Variants in ZNF282 observed in about 807,000 individuals in gnomAD.
ZNF282 encodes the protein zinc finger protein 282, also known as HTLV-I U5 repressive element-binding protein 1.
Under a neutral mutation model 61.9 loss-of-function variants are expected in ZNF282, and 30 were observed. The observed-to-expected ratio is 0.48, with a 90% CI of 0.36 to 0.66. The LOEUF is 0.66. Among genes scored for constraint, ZNF282 ranks in the 30% least tolerant of loss-of-function variants. The pLI is 0.00. For synonymous variants in ZNF282, 396 were observed against 405.0 expected, an observed-to-expected ratio of 0.98 and a Z score of 0.27; for missense variants, 788 against 941.4, an observed-to-expected ratio of 0.84 and a Z score of 2.13.
chr7:149,214,350 C>A (rs570848402), intron 7 of ZNF282, among the ~76,000 whole-genome samples: 1 of 152,282 alleles, frequency 6.6e-6, no homozygotes, highest in African/African-American at 2.4e-5. Context: ...TCTGCAATGA[C>A]CCCGTTTCCA....
rs58064988 is a variant in ZNF282, at chr7:149,209,020, C to CAAAAA, written c.833-1556_833-1552dup. Among the ~76,000 whole-genome samples, 7 of 61,728 alleles carry CAAAAA rather than the reference C, an allele frequency of 1.1e-4. 1 individual carries two copies. The highest frequency in any genetic ancestry group is 1.8e-4 in the Non-Finnish European group (6 of 32,522). The allele number at this position is 61,728 out of a possible 152,430, so 40.5% of individuals were successfully genotyped here. A position where few individuals can be genotyped will look rare whatever the true frequency, so the allele number is the denominator to read the frequency against. On this transcript the variant is annotated intron_variant, in intron 4 of 7. Transcript: ENST00000610704. ...TGGGCTACAGAGGGAGACTTCATCT[C>CAAAAA]AAAAAAAAAAAAAGAGGGCCGGGCG...
At chr7:149,202,150 CTTTT>C (rs35380773) in intron 2 of ZNF282, among the ~76,000 whole-genome samples, 2 of 126,554 alleles carry the variant, frequency 1.6e-5, no homozygotes. Flanking sequence ...AGATATGCTT[CTTTT>C]TTTTTTTTTT....
At chr7:149,201,519 G>A (rs538880729) in intron 2 of ZNF282, among the ~76,000 whole-genome samples, 6 of 152,272 alleles carry the variant, frequency 3.9e-5, no homozygotes, top group East Asian at 3.9e-4. Context: ...TTGGAAGGCC[G>A]GGCAGGTGGG....
Position 149,224,947 on chromosome 7 carries a change from G to A in ZNF282, c.*300G>A, listed in dbSNP as rs1002788203. On this transcript the variant is annotated 3_prime_UTR_variant, in exon 8 of 8. Transcript: ENST00000610704. ...GCCCTGGGACCACTGGGCCACAGATGGTCATCAGGGGAAGCCACCAGGGAG... is the reference window on the plus strand; with the variant it reads ...GCCCTGGGACCACTGGGCCACAGATAGTCATCAGGGGAAGCCACCAGGGAG... 2.2e-5 allele frequency: 9 copies of A among 401,952 alleles called. No homozygotes were observed. Among genetic ancestry groups the A allele is most frequent in the Non-Finnish European group, 4.0e-5 (9 of 223,676 alleles). 24.9% of individuals were successfully genotyped at this position (401,952 alleles called of 1,614,324 possible).
At chr7:149,199,465 C>T (rs1013124536) in intron 2 of ZNF282, among the ~76,000 whole-genome samples, 1 of 152,068 alleles carries the variant, frequency 6.6e-6, no homozygotes, top group Non-Finnish European at 1.5e-5. Flanking sequence ...GCTCTCCCCC[C>T]TCTGCTGGGC....
chr7:149,201,381 A>G (rs1173546430), intron 2 of ZNF282, among the ~76,000 whole-genome samples: 1 of 151,906 alleles, frequency 6.6e-6, no homozygotes, highest in African/African-American at 2.4e-5. Flanking sequence ...TTGTCCCCCC[A>G]CCCATACAGT....
At chr7:149,213,667 A>G (rs375051278) in intron 6 of ZNF282, 34 bp from the exon 7 acceptor site, 178 of 1,563,792 alleles carry the variant, frequency 1.1e-4, no homozygotes, top group Non-Finnish European at 1.4e-4. Flanking sequence ...AGAACTGAAC[A>G]AAATCTAAGA....
chr7:149,198,821 A>G lies in ZNF282; in HGVS notation c.585+69A>G, dbSNP rs1052112736. ...ACAGGTGCATAAAATTCTTGATTTC[A>G]TTTTGTCAGCCCTTCTCATAAACTT... On this transcript the variant is annotated intron_variant, in intron 2 of 7. Transcript: ENST00000610704. This position sits in a 1 kb window ranked among gnomAD's most constrained non-coding sequence, Gnocchi z 4.3. 2 of 1,518,164 alleles carry G rather than the reference A, an allele frequency of 1.3e-6. No homozygotes were observed. The highest frequency in any genetic ancestry group is 1.8e-6 in the Non-Finnish European group (2 of 1,137,344). 94.0% of individuals were successfully genotyped at this position (1,518,164 alleles called of 1,614,324 possible).
chr7:149,197,003 C>A (rs1795827481), intron 1 of ZNF282, among the ~76,000 whole-genome samples: 1 of 152,226 alleles, frequency 6.6e-6, no homozygotes, highest in Non-Finnish European at 1.5e-5. Context: ...GAAAATGACA[C>A]CTCTTCCTGT....
At chr7:149,212,527 CATTAA>C (rs1223102252) in intron 6 of ZNF282, 56 bp downstream of exon 6, 2 of 1,300,882 alleles carry the variant, frequency 1.5e-6, no homozygotes, top group African/African-American at 3.0e-5. Flanking sequence ...CAAAAGGAAT[CATTAA>C]ATTAATAATT....
intron 4 of ZNF282, among the ~76,000 whole-genome samples, chr7:149,209,786 C>G (rs1227185945): frequency 6.6e-6 from 1 of 152,110 alleles, no homozygotes; most frequent in African/African-American, 2.4e-5. Context: ...GAAGAAAAGG[C>G]CCTGTTTGTT....
At chr7:149,196,003 G>C (rs1293981743) in intron 1 of ZNF282, among the ~76,000 whole-genome samples, 1 of 151,190 alleles carries the variant, frequency 6.6e-6, no homozygotes, top group Non-Finnish European at 1.5e-5. Context: ...GGGCCCAAGT[G>C]CGGAGGCCCC....
At chr7:149,207,836 C>T (rs980961382) in intron 4 of ZNF282, among the ~76,000 whole-genome samples, 17 of 152,240 alleles carry the variant, frequency 1.1e-4, no homozygotes, top group Non-Finnish European at 2.4e-4. Flanking sequence ...TGGGGTTTCG[C>T]CCCGGCCCGT....
intron 7 of ZNF282, among the ~76,000 whole-genome samples, chr7:149,220,356 G>T (rs576969425): frequency 1.3e-5 from 2 of 152,054 alleles, no homozygotes; most frequent in African/African-American, 4.8e-5. Flanking sequence ...AGCTTGCAGC[G>T]AGCTGAGATC....
At chr7:149,203,645 C>T (rs1795948542) in intron 2 of ZNF282, among the ~76,000 whole-genome samples, 1 of 152,238 alleles carries the variant, frequency 6.6e-6, no homozygotes, top group South Asian at 2.1e-4. Flanking sequence ...GCTTGAGCCA[C>T]TGCATGAGGC....
intron 1 of ZNF282, among the ~76,000 whole-genome samples, chr7:149,196,403 A>G (rs1040991596): frequency 6.6e-6 from 1 of 152,076 alleles, no homozygotes; most frequent in African/African-American, 2.4e-5. Context: ...AGGGTCTCTG[A>G]CGGGTGAGAG....
rs910317765 is a variant in ZNF282, at chr7:149,224,800, C to A, written c.*153C>A. The A allele has an allele frequency of 3.3e-5, 44 of 1,318,114 alleles. No homozygotes were observed. Among genetic ancestry groups the A allele is most frequent in the Middle Eastern group, 2.7e-4 (1 of 3,652 alleles). The allele number at this position is 1,318,114 out of a possible 1,614,324, so 81.7% of individuals were successfully genotyped here. A position where few individuals can be genotyped will look rare whatever the true frequency, so the allele number is the denominator to read the frequency against. ...CCCCCAGGGTGGGGCAGGGATCCCC[C>A]AGATCTGTCTGGTCTGAATGGACGC... On this transcript the variant is annotated 3_prime_UTR_variant, in exon 8 of 8. Transcript: ENST00000610704.
chr7:149,212,204 T>C (rs1796095205), intron 5 of ZNF282, 154 bp from the exon 6 acceptor site: 5 of 544,692 alleles, frequency 9.2e-6, no homozygotes, highest in African/African-American at 2.0e-5. Flanking sequence ...GGGGCCAAGC[T>C]GACTTCAACC....
chr7:149,206,456 C>T (rs140571202), intron 2 of ZNF282, among the ~76,000 whole-genome samples: 29 of 152,296 alleles, frequency 1.9e-4, no homozygotes, highest in African/African-American at 7.0e-4. Context: ...AGTGAAATAA[C>T]AATGGATGTG....
Sources: gnomAD v4.1 joint callset for allele counts (sites outside exome capture counted in the v4.1 genomes callset) on GRCh38, gnomAD v4.1.1 for gene constraint, Gnocchi (gnomAD v3.1) non-coding constraint, MANE v1.5 for transcripts, NCBI Gene and HGNC (gene_info 2026-07-23, HGNC 2026-07-21) for gene names.